FBLN5: variants seen among roughly 807,000 people sequenced by gnomAD.
FBLN5 encodes the protein fibulin 5.
In FBLN5, 24 loss-of-function variants were observed where a neutral mutation model predicts 61.6. The observed-to-expected ratio is 0.39, with a 90% CI of 0.28 to 0.55. FBLN5 has a LOEUF of 0.55. Ranked by LOEUF, FBLN5 falls within the 20% of genes least tolerant of loss-of-function variation. The pLI is 0.65. For missense variants in FBLN5, 470 were observed against 594.1 expected (o/e 0.79, Z 2.17); for synonymous variants, 213 against 219.8 (o/e 0.97, Z 0.27).
At chr14:91,931,126 C>T (rs1263690074) in intron 4 of FBLN5, among the ~76,000 whole-genome samples, 1 of 152,208 alleles carries the variant, frequency 6.6e-6, no homozygotes, top group African/African-American at 2.4e-5. Context: ...CCCCCGTCCT[C>T]ACAGGTAGGA....
chr14:91,902,495 C>G (rs1280730656), intron 4 of FBLN5, among the ~76,000 whole-genome samples: 1 of 152,124 alleles, frequency 6.6e-6, no homozygotes, highest in African/African-American at 2.4e-5. Context: ...AGGGCTGAGG[C>G]TTGGAAAGCT....
intron 3 of FBLN5, among the ~76,000 whole-genome samples, chr14:91,938,797 A>C (rs1029913585): frequency 6.6e-6 from 1 of 152,186 alleles, no homozygotes; most frequent in African/African-American, 2.4e-5. Context: ...ACTCACCCCC[A>C]GCATCTCATC....
chr14:91,924,282 A>G (rs1336000255), intron 4 of FBLN5, among the ~76,000 whole-genome samples: 63 of 152,252 alleles, frequency 4.1e-4, no homozygotes, highest in Non-Finnish European at 1.5e-4. Context: ...ACCTATGTAG[A>G]AACTGTACCT....
chr14:91,882,825 C>G lies in FBLN5; in HGVS notation c.862+129G>C. 1 of 1,073,828 alleles carries G rather than the reference C, an allele frequency of 9.3e-7. No individual in the cohort carries two copies. Among genetic ancestry groups the G allele is most frequent in the African/African-American group, 1.6e-5 (1 of 64,148 alleles). The allele number at this position is 1,073,828 out of a possible 1,614,324, so 66.5% of individuals were successfully genotyped here. ...CCACTATGAGAGCCACCAGCACCCA[C>G]TCACACCCCCACCCCTGCCACCTTC... On this transcript the variant is annotated intron_variant, in intron 8 of 10. Transcript: ENST00000342058. The surrounding 1 kb of genome is among the most constrained non-coding windows in gnomAD (Gnocchi z 4.9).
intron 4 of FBLN5, among the ~76,000 whole-genome samples, chr14:91,916,057 C>G (rs933419793): frequency 6.6e-6 from 1 of 152,102 alleles, no homozygotes. Context: ...ATAACATGAC[C>G]AAAGATAATG....
chr14:91,925,168 A>T (rs943694306), intron 4 of FBLN5, among the ~76,000 whole-genome samples: 2 of 152,208 alleles, frequency 1.3e-5, no homozygotes, highest in Admixed American at 6.5e-5. Context: ...TTTTAGTTTG[A>T]AAGAAAGTCA....
chr14:91,924,164 A>T (rs2140028047), intron 4 of FBLN5, among the ~76,000 whole-genome samples: 1 of 152,364 alleles, frequency 6.6e-6, no homozygotes, highest in East Asian at 1.9e-4. Context: ...CAAAAATTTT[A>T]AAAATTGCAA....
intron 4 of FBLN5, among the ~76,000 whole-genome samples, chr14:91,922,772 C>T (rs1470195522): frequency 6.6e-6 from 1 of 152,186 alleles, no homozygotes; most frequent in African/African-American, 2.4e-5. Context: ...TGCTTGCAAA[C>T]TTCCCCCAGG....
chr14:91,928,873 A>C (rs1175745146), intron 4 of FBLN5, among the ~76,000 whole-genome samples: 2 of 151,778 alleles, frequency 1.3e-5, no homozygotes, highest in Non-Finnish European at 2.9e-5. Flanking sequence ...CCTGGCTAAC[A>C]CTGTGAAACC....
chr14:91,888,418 A>C (rs759043269), intron 6 of FBLN5, among the ~76,000 whole-genome samples: 1 of 152,106 alleles, frequency 6.6e-6, no homozygotes, highest in Non-Finnish European at 1.5e-5. Flanking sequence ...CAGCCTGACC[A>C]ACATGGTGAA....
At chr14:91,923,936 C>T (rs1364465416) in intron 4 of FBLN5, among the ~76,000 whole-genome samples, 2 of 152,220 alleles carry the variant, frequency 1.3e-5, no homozygotes, top group African/African-American at 4.8e-5. Flanking sequence ...CAAAGTGTCC[C>T]ATACCTACGT....
chr14:91,921,068 T>C (rs1447179599), intron 4 of FBLN5, among the ~76,000 whole-genome samples: 1 of 152,190 alleles, frequency 6.6e-6, no homozygotes, highest in Non-Finnish European at 1.5e-5. Context: ...TTAATTCTCT[T>C]ACCCAGATGT....
intron 9 of FBLN5, among the ~76,000 whole-genome samples, chr14:91,879,741 C>T (rs185190324): frequency 3.9e-5 from 6 of 152,334 alleles, no homozygotes; most frequent in East Asian, 1.9e-4. Context: ...CTAAAGGATC[C>T]GCCTGTCCCG....
chr14:91,892,599 C>T (rs534786054), intron 5 of FBLN5, among the ~76,000 whole-genome samples: 2 of 152,358 alleles, frequency 1.3e-5, no homozygotes, highest in East Asian at 3.9e-4. Flanking sequence ...GAGTGCAGAG[C>T]AGCTCTTGCA....
At chr14:91,922,235 G>A (rs1315677268) in intron 4 of FBLN5, among the ~76,000 whole-genome samples, 1 of 151,862 alleles carries the variant, frequency 6.6e-6, no homozygotes, top group Non-Finnish European at 1.5e-5. Context: ...GGAAATTGCA[G>A]TGAGCCGAGA....
Position 91,932,979 on chromosome 14 carries a change from G to A in FBLN5, c.379+3968C>T, listed in dbSNP as rs564221793. Among the ~76,000 whole-genome samples, 4 of 152,372 alleles carry A rather than the reference G, an allele frequency of 2.6e-5. No individual in the cohort carries two copies. In the South Asian group the frequency reaches 8.3e-4, roughly 32 times the overall value. On this transcript the variant is annotated intron_variant, in intron 4 of 10. Transcript: ENST00000342058. The stretch of plus-strand genomic sequence containing the variant: ...TTGGGGCTCAGCTTGTCATCCCTCT[G>A]GGTGGATATTCCAAGTTCTGGCTTT...
At chr14:91,918,823 A>G (rs547786258) in intron 4 of FBLN5, among the ~76,000 whole-genome samples, 1 of 152,332 alleles carries the variant, frequency 6.6e-6, no homozygotes, top group Non-Finnish European at 1.5e-5. Flanking sequence ...TGAAAGAGAC[A>G]TAAAGATAAC....
intron 4 of FBLN5, among the ~76,000 whole-genome samples, chr14:91,902,272 TG>T (rs1566811706): frequency 2.5e-4 from 14 of 55,534 alleles, no homozygotes; most frequent in African/African-American, 5.8e-4. Flanking sequence ...TTTTTTTGTT[TG>T]TTTGTTTGTT....
At chr14:91,881,223 C>A in intron 9 of FBLN5, 69 bp downstream of exon 9, 1 of 1,595,184 alleles carries the variant, frequency 6.3e-7, no homozygotes, top group East Asian at 2.2e-5. Flanking sequence ...CTCTTTCACA[C>A]CACACCTCCA....
Sources: allele counts gnomAD v4.1 joint callset (sites outside exome capture counted in the v4.1 genomes callset), GRCh38; gene constraint gnomAD v4.1.1; non-coding constraint Gnocchi (gnomAD v3.1); transcripts MANE v1.5; gene names NCBI Gene and HGNC (gene_info 2026-07-23, HGNC 2026-07-21).